Variants in BNC2 observed in about 807,000 individuals in gnomAD.
BNC2 encodes zinc finger protein basonuclin-2.
Under a neutral mutation model 76.3 loss-of-function variants are expected in BNC2, and 20 were observed. That is an observed-to-expected ratio of 0.26 (90% confidence interval 0.18 to 0.38). BNC2 has a LOEUF of 0.38. BNC2 is among the 10% of genes least tolerant of loss of function. BNC2 has a pLI of 1.00. For synonymous variants in BNC2, 582 were observed against 514.8 expected (o/e 1.13, Z -1.77); for missense variants, 1,382 against 1,399.8 (o/e 0.99, Z 0.20).
rs112170478 is a variant in BNC2 at position 16,472,117 on chromosome 9, C to A, written c.670-34593G>T. Among the ~76,000 whole-genome samples the A allele has an allele frequency of 1.4e-3, 219 of 152,226 alleles. 1 individual carries two copies. Among genetic ancestry groups the A allele is most frequent in the African/African-American group, 5.1e-3 (210 of 41,534 alleles). On this transcript the variant is annotated intron_variant, in intron 5 of 6. Coordinates refer to ENST00000380672, the MANE Select transcript of BNC2 (RefSeq NM_017637.6). Reference sequence around the variant, plus strand: ...TATGTCTTTATCAACAGCATGAAAACGAACTAATACATGATTTTCTTAAGA... The same window carrying A: ...TATGTCTTTATCAACAGCATGAAAAAGAACTAATACATGATTTTCTTAAGA...
At chr9:16,774,654 T>C (rs1050738013) in intron 1 of BNC2, among the ~76,000 whole-genome samples, 2 of 152,250 alleles carry the variant, frequency 1.3e-5, no homozygotes, top group African/African-American at 4.8e-5. Flanking sequence ...ATCAAGATAT[T>C]TGCAGTATTG....
intron 3 of BNC2, among the ~76,000 whole-genome samples, chr9:16,726,001 C>G (rs1476440891): frequency 7.1e-6 from 1 of 140,042 alleles, no homozygotes; most frequent in Non-Finnish European, 1.5e-5. Flanking sequence ...CACACACACA[C>G]GCACACACAC....
At chr9:16,804,740 G>A (rs979701659) in intron 1 of BNC2, among the ~76,000 whole-genome samples, 1 of 152,240 alleles carries the variant, frequency 6.6e-6, no homozygotes, top group East Asian at 1.9e-4. Flanking sequence ...TATTTTCACT[G>A]CTTGGGGGAG....
rs142709554 is a variant in BNC2, at chr9:16,568,431, C to T, written c.433+14552G>A. Among the ~76,000 whole-genome samples, 210 of 152,170 alleles carry T rather than the reference C, an allele frequency of 1.4e-3. 1 individual carries two copies. Among genetic ancestry groups the T allele is most frequent in the African/African-American group, 4.9e-3 (203 of 41,510 alleles). The stretch of plus-strand genomic sequence containing the variant: ...TGAGGGTGGTGGCTCTTCATTTTTG[C>T]TAATACGACCAATAATTTTCAATTA... On this transcript the variant is annotated intron_variant, in intron 4 of 6. Coordinates refer to ENST00000380672, the MANE Select transcript of BNC2 (RefSeq NM_017637.6).
At chr9:16,839,591 G>A (rs971671107) in intron 1 of BNC2, among the ~76,000 whole-genome samples, 1 of 152,124 alleles carries the variant, frequency 6.6e-6, no homozygotes, top group Non-Finnish European at 1.5e-5. Context: ...TCTAAAGCAC[G>A]CTGCGCACTC....
chr9:16,669,873 C>T (rs535469167), intron 3 of BNC2, among the ~76,000 whole-genome samples: 13 of 152,266 alleles, frequency 8.5e-5, no homozygotes, highest in African/African-American at 1.7e-4. Flanking sequence ...TTAGAGTGGA[C>T]GGTAGGAAAC....
At chr9:16,795,542 T>C (rs1817623782) in intron 1 of BNC2, among the ~76,000 whole-genome samples, 1 of 152,060 alleles carries the variant, frequency 6.6e-6, no homozygotes, top group Admixed American at 6.6e-5. Context: ...TCAGCCCATG[T>C]CCTCTCCACA....
intron 1 of BNC2, among the ~76,000 whole-genome samples, chr9:16,773,995 T>C (rs1186818732): frequency 2.0e-5 from 3 of 152,128 alleles, no homozygotes; most frequent in Non-Finnish European, 4.4e-5. Flanking sequence ...TTTGTTTTGT[T>C]TTTAAAGACA....
chr9:16,640,034 C>A (rs991091502), intron 3 of BNC2, among the ~76,000 whole-genome samples: 7 of 151,878 alleles, frequency 4.6e-5, no homozygotes, highest in Admixed American at 1.3e-4. Context: ...GAACCCATTT[C>A]TATTATAGCT....
chr9:16,761,898 T>C (rs1825561234), intron 1 of BNC2, among the ~76,000 whole-genome samples: 1 of 152,110 alleles, frequency 6.6e-6, no homozygotes, highest in Non-Finnish European at 1.5e-5. Context: ...ATGTAAATGG[T>C]GGAGCAGAGT....
chr9:16,685,731 C>T, intron 3 of BNC2: 1 of 624,094 alleles, frequency 1.6e-6, no homozygotes, highest in Non-Finnish European at 2.7e-6. Flanking sequence ...AACTGCGGGT[C>T]TCTAACAGGT....
At chr9:16,531,500 T>C (rs1008754534) in intron 5 of BNC2, among the ~76,000 whole-genome samples, 3 of 152,106 alleles carry the variant, frequency 2.0e-5, no homozygotes, top group African/African-American at 7.2e-5. Context: ...TGAAGCCAAG[T>C]TTGTTAACGT....
At chr9:16,618,091 C>T (rs561137008) in intron 3 of BNC2, among the ~76,000 whole-genome samples, 25 of 152,312 alleles carry the variant, frequency 1.6e-4, no homozygotes, top group African/African-American at 5.8e-4. Flanking sequence ...ACTGACAGAC[C>T]TGTAACAATG....
intron 5 of BNC2, among the ~76,000 whole-genome samples, chr9:16,514,889 C>A (rs1325306578): frequency 6.6e-6 from 1 of 152,160 alleles, no homozygotes; most frequent in East Asian, 1.9e-4. Flanking sequence ...ACTGGATAAG[C>A]AGATCATCTT....
At chr9:16,703,462 A>T (rs1343194719) in intron 3 of BNC2, among the ~76,000 whole-genome samples, 1 of 151,390 alleles carries the variant, frequency 6.6e-6, no homozygotes, top group Non-Finnish European at 1.5e-5. Context: ...AACAAAAAGA[A>T]ATAATTATTG....
intron 1 of BNC2, among the ~76,000 whole-genome samples, chr9:16,757,743 T>A (rs1761484908): frequency 6.6e-6 from 1 of 151,300 alleles, no homozygotes; most frequent in Admixed American, 6.6e-5. Flanking sequence ...AAAGCATACT[T>A]GCAAGGTCGC....
intron 4 of BNC2, among the ~76,000 whole-genome samples, chr9:16,574,589 G>A (rs1819429368): frequency 6.6e-6 from 1 of 152,144 alleles, no homozygotes; most frequent in African/African-American, 2.4e-5. Flanking sequence ...AAAAGAACTG[G>A]TGACCTGACC....
intron 5 of BNC2, among the ~76,000 whole-genome samples, chr9:16,518,475 T>C (rs1021271931): frequency 6.6e-6 from 1 of 152,192 alleles, no homozygotes; most frequent in African/African-American, 2.4e-5. Flanking sequence ...CTTTTAGGTA[T>C]AAAGGGCAAA....
chr9:16,867,181 G>C (rs955665775), intron 1 of BNC2, among the ~76,000 whole-genome samples: 3 of 152,068 alleles, frequency 2.0e-5, no homozygotes, highest in African/African-American at 4.8e-5. Context: ...TCTGGTCTCA[G>C]TTTTAAAAAT....
Sources: allele counts gnomAD v4.1 joint callset (sites outside exome capture counted in the v4.1 genomes callset), GRCh38; gene constraint gnomAD v4.1.1; transcripts MANE v1.5; gene names NCBI Gene and HGNC (gene_info 2026-07-23, HGNC 2026-07-21).